STIM2: variants seen among roughly 807,000 people sequenced by gnomAD.
The protein encoded by STIM2 is stromal interaction molecule 2.
STIM2 carries 31 observed loss-of-function variants against 85.8 expected under a neutral mutation model. The observed-to-expected ratio is 0.36, with a 90% CI of 0.27 to 0.49. The LOEUF is 0.49. Among genes scored for constraint, STIM2 ranks in the 20% least tolerant of loss-of-function variants. STIM2 has a pLI of 0.98. For missense variants in STIM2, 841 were observed against 927.6 expected (o/e 0.91, Z 1.21); for synonymous variants, 356 against 331.1 (o/e 1.08, Z -0.82).
chr4:26,975,472 G>A (rs1445756975), intron 3 of STIM2, among the ~76,000 whole-genome samples: 1 of 152,154 alleles, frequency 6.6e-6, no homozygotes, highest in Admixed American at 6.5e-5. Flanking sequence ...CTTTCTGTTT[G>A]TTAGTTTTCT....
At chr4:26,917,310 T>A (rs1200212729) in intron 1 of STIM2, among the ~76,000 whole-genome samples, 1 of 152,204 alleles carries the variant, frequency 6.6e-6, no homozygotes, top group East Asian at 1.9e-4. Flanking sequence ...CTTATTTATC[T>A]TGTTAGGTTC....
At chr4:26,975,587 G>A (rs1727153843) in intron 3 of STIM2, among the ~76,000 whole-genome samples, 2 of 152,182 alleles carry the variant, frequency 1.3e-5, no homozygotes, top group Non-Finnish European at 2.9e-5. Context: ...AAATATTGCA[G>A]AACAGCAAAT....
intron 4 of STIM2, 68 bp downstream of exon 4, chr4:26,995,558 T>C (rs138531268): frequency 1.1e-6 from 1 of 916,890 alleles, no homozygotes; most frequent in African/African-American, 1.7e-5. Context: ...CATTTCCCCA[T>C]ACTGAATCTA....
chr4:26,941,659 T>C (rs770590214), intron 2 of STIM2, among the ~76,000 whole-genome samples: 1 of 151,260 alleles, frequency 6.6e-6, no homozygotes, highest in Non-Finnish European at 1.5e-5. Flanking sequence ...AAAATTATAC[T>C]ATGTAGCAAA....
chr4:26,913,319 A>G (rs140071916), intron 1 of STIM2, among the ~76,000 whole-genome samples: 3 of 152,052 alleles, frequency 2.0e-5, no homozygotes, highest in Non-Finnish European at 1.5e-5. Flanking sequence ...GTAACTATAC[A>G]TAGTAATATT....
intron 3 of STIM2, among the ~76,000 whole-genome samples, chr4:26,973,956 C>T (rs1727079083): frequency 6.6e-6 from 1 of 152,144 alleles, no homozygotes; most frequent in African/African-American, 2.4e-5. Flanking sequence ...GGATAGTTAG[C>T]ACTTCTTGTT....
intron 1 of STIM2, among the ~76,000 whole-genome samples, chr4:26,900,662 T>C (rs1452580799): frequency 1.3e-5 from 2 of 152,242 alleles, no homozygotes; most frequent in Non-Finnish European, 2.9e-5. Flanking sequence ...AGCTAATTGT[T>C]AGAAATAGTT....
chr4:26,916,655 C>G (rs1724591627), intron 1 of STIM2, among the ~76,000 whole-genome samples: 1 of 152,110 alleles, frequency 6.6e-6, no homozygotes, highest in Non-Finnish European at 1.5e-5. Context: ...TTTTAGCAGT[C>G]TCTACCTGAT....
chr4:26,895,115 G>A (rs769608269), intron 1 of STIM2, among the ~76,000 whole-genome samples: 2 of 152,242 alleles, frequency 1.3e-5, no homozygotes, highest in Non-Finnish European at 2.9e-5. Context: ...AGGAGGGTGA[G>A]TTAGGAGAAT....
chr4:26,950,213 A>T (rs564101601), intron 2 of STIM2, among the ~76,000 whole-genome samples: 1 of 152,334 alleles, frequency 6.6e-6, no homozygotes, highest in Non-Finnish European at 1.5e-5. Flanking sequence ...GACTAATTGT[A>T]GTCTTTATGT....
At chr4:26,982,131 C>T (rs9998009) in intron 3 of STIM2, among the ~76,000 whole-genome samples, 48,468 of 151,912 alleles carry the variant, frequency 0.32, 8,091 homozygotes, top group African/African-American at 0.41. Flanking sequence ...CTTCTACTTA[C>T]TAGTTGGCGT....
intron 2 of STIM2, among the ~76,000 whole-genome samples, chr4:26,935,046 AAT>A (rs1398769456): frequency 4.6e-5 from 7 of 152,324 alleles, no homozygotes; most frequent in African/African-American, 1.7e-4. Flanking sequence ...AACTTTTTAA[AAT>A]ATCTTTTCCT....
chr4:27,003,390 T>TGA (rs1728226716), intron 7 of STIM2, among the ~76,000 whole-genome samples: 1 of 152,214 alleles, frequency 6.6e-6, no homozygotes, highest in Non-Finnish European at 1.5e-5. Flanking sequence ...ATCTGTAATA[T>TGA]GTTTAAGTTT....
intron 1 of STIM2, among the ~76,000 whole-genome samples, chr4:26,905,617 C>T (rs980666432): frequency 2.6e-5 from 4 of 151,986 alleles, no homozygotes; most frequent in Non-Finnish European, 2.9e-5. Flanking sequence ...CAGTCTTGGT[C>T]GTGTTTTGTT....
chr4:26,870,019 A>G (rs550142660), intron 1 of STIM2, among the ~76,000 whole-genome samples: 1 of 152,258 alleles, frequency 6.6e-6, no homozygotes, highest in Non-Finnish European at 1.5e-5. Context: ...ACATGGATGA[A>G]CGTGGAGGAC....
At chr4:26,944,363 A>G (rs1318857965) in intron 2 of STIM2, among the ~76,000 whole-genome samples, 3 of 152,118 alleles carry the variant, frequency 2.0e-5, no homozygotes, top group African/African-American at 7.2e-5. Context: ...ACTTGCTTCG[A>G]GTAACAATAT....
intron 1 of STIM2, among the ~76,000 whole-genome samples, chr4:26,914,046 G>A (rs1217226488): frequency 6.6e-6 from 1 of 152,210 alleles, no homozygotes; most frequent in African/African-American, 2.4e-5. Flanking sequence ...ACCAACCATG[G>A]ATATATTTGG....
Position 26,927,680 on chromosome 4 carries a change from T to TAA in STIM2, c.282+8072_282+8073dup, listed in dbSNP as rs71186498. 3.5e-3 allele frequency among the ~76,000 whole-genome samples: 82 copies of TAA among 23,452 alleles called. 5 individuals carry two copies. The highest frequency in any genetic ancestry group is 4.6e-3 in the Non-Finnish European group (55 of 11,992). The allele number at this position is 23,452 out of a possible 152,430, so 15.4% of individuals were successfully genotyped here. ...ATGTACCCTAAAACTTAGAGTATAA[T>TAA]AAAAAAAAAAAAAAAAAAAAAAAAA... On this transcript the variant is annotated intron_variant, in intron 2 of 11. Coordinates refer to ENST00000467087, the MANE Select transcript of STIM2 (RefSeq NM_020860.4).
intron 1 of STIM2, among the ~76,000 whole-genome samples, chr4:26,917,157 C>T (rs568392081): frequency 8.5e-5 from 13 of 152,168 alleles, no homozygotes; most frequent in South Asian, 6.2e-4. Context: ...AAAGCTTAAT[C>T]GAGTACAGCA....
Sources: gnomAD v4.1 joint callset for allele counts (sites outside exome capture counted in the v4.1 genomes callset) on GRCh38, gnomAD v4.1.1 for gene constraint, MANE v1.5 for transcripts, NCBI Gene and HGNC (gene_info 2026-07-23, HGNC 2026-07-21) for gene names.